The following CAMK1D variants were observed in gnomAD, a reference collection of about 807,000 sequenced individuals.
The protein encoded by CAMK1D is calcium/calmodulin-dependent protein kinase type 1D.
CAMK1D carries 9 observed loss-of-function variants against 47.7 expected under a neutral mutation model. The observed-to-expected ratio is 0.19, with a 90% confidence interval of 0.11 to 0.33. CAMK1D has a LOEUF of 0.33. Ranked by LOEUF, CAMK1D falls within the 10% of genes least tolerant of loss-of-function variation. CAMK1D has a pLI of 1.00. For synonymous variants in CAMK1D, 184 were observed against 184.9 expected, an observed-to-expected ratio of 0.99 and a Z score of 0.04; for missense variants, 291 against 488.7, an observed-to-expected ratio of 0.60 and a Z score of 3.81.
At chr10:12,557,985 A>G (rs1836819827) in intron 2 of CAMK1D, among the ~76,000 whole-genome samples, 1 of 152,366 alleles carries the variant, frequency 6.6e-6, no homozygotes, top group Non-Finnish European at 1.5e-5. Context: ...ATCAGTAGAT[A>G]TTAAATGAAG....
chr10:12,443,580 G>C (rs950423243), intron 1 of CAMK1D, among the ~76,000 whole-genome samples: 3 of 152,042 alleles, frequency 2.0e-5, no homozygotes, highest in Admixed American at 6.5e-5. Flanking sequence ...ATAAAAGAAT[G>C]GCTATTCCAT....
chr10:12,543,404 A>C (rs1226144779), intron 1 of CAMK1D, among the ~76,000 whole-genome samples: 4 of 152,204 alleles, frequency 2.6e-5, no homozygotes, highest in African/African-American at 7.2e-5. Flanking sequence ...GAAACTGGAA[A>C]AGATTATGAG....
chr10:12,423,797 T>C (rs560538663), intron 1 of CAMK1D, among the ~76,000 whole-genome samples: 1 of 152,328 alleles, frequency 6.6e-6, no homozygotes, highest in Admixed American at 6.5e-5. Flanking sequence ...ACTAAGTTGG[T>C]TGTTCTGAGG....
At chr10:12,495,708 TG>T (rs777066248) in intron 1 of CAMK1D, among the ~76,000 whole-genome samples, 3 of 152,218 alleles carry the variant, frequency 2.0e-5, no homozygotes, top group Non-Finnish European at 4.4e-5. Context: ...GAAGGAAGAA[TG>T]TCCAACAGGA....
intron 2 of CAMK1D, among the ~76,000 whole-genome samples, chr10:12,580,068 A>G (rs2132335655): frequency 6.6e-6 from 1 of 152,252 alleles, no homozygotes; most frequent in African/African-American, 2.4e-5. Context: ...CCATGATGCC[A>G]TCTCCTCTGG....
intron 1 of CAMK1D, among the ~76,000 whole-genome samples, chr10:12,541,470 T>G (rs1243081731): frequency 6.6e-6 from 1 of 152,112 alleles, no homozygotes; most frequent in Admixed American, 6.5e-5. Context: ...TTCAAGCAGT[T>G]CTCCTGCCTC....
intron 1 of CAMK1D, among the ~76,000 whole-genome samples, chr10:12,549,504 G>T (rs947249390): frequency 6.6e-6 from 1 of 152,234 alleles, no homozygotes. Context: ...TAATGCCTCT[G>T]TGAATGTGGT....
At chr10:12,384,930 A>G (rs1838445657) in intron 1 of CAMK1D, among the ~76,000 whole-genome samples, 2 of 152,250 alleles carry the variant, frequency 1.3e-5, no homozygotes, top group South Asian at 2.1e-4. Context: ...TTATAACTCA[A>G]TAATTGATAA....
intron 3 of CAMK1D, among the ~76,000 whole-genome samples, chr10:12,748,013 A>G (rs1835765287): frequency 6.6e-6 from 1 of 152,188 alleles, no homozygotes. Context: ...TGTTTGACCA[A>G]ATATTTGACC....
intron 3 of CAMK1D, among the ~76,000 whole-genome samples, chr10:12,719,528 C>A (rs1401521883): frequency 9.2e-5 from 14 of 152,210 alleles, no homozygotes; most frequent in Admixed American, 9.2e-4. Context: ...TTCCTGGCGC[C>A]TGTGGGCAGG....
chr10:12,728,852 C>T (rs1435571703), intron 3 of CAMK1D, among the ~76,000 whole-genome samples: 1 of 152,200 alleles, frequency 6.6e-6, no homozygotes, highest in East Asian at 1.9e-4. Flanking sequence ...CGTGCCTCTG[C>T]CGTTGCTCCC....
In CAMK1D at chr10:12,740,963, AGGCAATTTCAGATAATT is replaced by A. The variant is rs560229169; in HGVS notation, c.300-19982_300-19966del. Among the ~76,000 whole-genome samples the A allele has an allele frequency of 2.9e-4, 44 of 152,308 alleles. No individual in the cohort carries two copies. In the East Asian group the frequency reaches 7.3e-3, roughly 25 times the overall value. On this transcript the variant is annotated intron_variant, in intron 3 of 10. Transcript: ENST00000619168. ...ATGAGATTTGGAATTTCCTTAAGCA[AGGCAATTTCAGATAATT>A]GGTGGTTCCTGGACTGCCTAAAGGA...
chr10:12,666,188 A>G (rs1840424117), intron 2 of CAMK1D, among the ~76,000 whole-genome samples: 1 of 151,312 alleles, frequency 6.6e-6, no homozygotes, highest in Non-Finnish European at 1.5e-5. Flanking sequence ...GTGGGGGGAC[A>G]TGAACCCCAG....
At chr10:12,663,984 A>T (rs570008623) in intron 2 of CAMK1D, among the ~76,000 whole-genome samples, 1 of 152,178 alleles carries the variant, frequency 6.6e-6, no homozygotes, top group Non-Finnish European at 1.5e-5. Context: ...CTTAAGAGAC[A>T]TTAAGAGGCC....
chr10:12,726,813 A>G (rs1054435166), intron 3 of CAMK1D, among the ~76,000 whole-genome samples: 1 of 152,248 alleles, frequency 6.6e-6, no homozygotes, highest in African/African-American at 2.4e-5. Flanking sequence ...GTTTTCAAAC[A>G]TGGGACAGAG....
intron 1 of CAMK1D, among the ~76,000 whole-genome samples, chr10:12,377,565 A>G (rs1019532607): frequency 2.6e-5 from 4 of 152,178 alleles, no homozygotes; most frequent in Non-Finnish European, 4.4e-5. Flanking sequence ...GTTACAATGT[A>G]TTACAAACGT....
chr10:12,799,623 C>G (rs938191176), intron 6 of CAMK1D, among the ~76,000 whole-genome samples: 1 of 152,182 alleles, frequency 6.6e-6, no homozygotes, highest in Non-Finnish European at 1.5e-5. Context: ...AAATCCACCC[C>G]TCGTGAGAAC....
chr10:12,402,114 G>A (rs916215139), intron 1 of CAMK1D, among the ~76,000 whole-genome samples: 1 of 151,708 alleles, frequency 6.6e-6, no homozygotes, highest in Admixed American at 6.6e-5. Flanking sequence ...CTGTCGCCTT[G>A]TGTTTTTAAT....
intron 1 of CAMK1D, among the ~76,000 whole-genome samples, chr10:12,382,092 A>G (rs1342545569): frequency 6.6e-6 from 1 of 152,216 alleles, no homozygotes; most frequent in African/African-American, 2.4e-5. Flanking sequence ...ATGATATTGA[A>G]CAAAATGATG....
Sources: allele counts gnomAD v4.1 joint callset (sites outside exome capture counted in the v4.1 genomes callset), GRCh38; gene constraint gnomAD v4.1.1; transcripts MANE v1.5; gene names NCBI Gene and HGNC (gene_info 2026-07-23, HGNC 2026-07-21).